EPHA10: variants seen among roughly 807,000 people sequenced by gnomAD.
EPHA10 encodes EPH receptor A10, also known as ephrin type-A receptor 10.
Under a neutral mutation model 109.7 loss-of-function variants are expected in EPHA10, and 120 were observed. That is an observed-to-expected ratio of 1.09 (90% CI 0.94 to 1.27). The LOEUF (loss-of-function observed/expected upper bound fraction) is 1.27. Ranked by LOEUF, EPHA10 falls within the 50% of genes most tolerant of loss-of-function variation. The pLI, the probability that EPHA10 is intolerant of heterozygous loss-of-function variation, is 0.00. For synonymous variants in EPHA10, 640 were observed against 618.9 expected (o/e 1.03, Z -0.51); for missense variants, 1,396 against 1,411.1 (o/e 0.99, Z 0.17).
Position 37,761,710 on chromosome 1 carries a change from G to C in EPHA10, c.545C>G (p.Pro182Arg), listed in dbSNP as rs763477588. ...KLNTEVREIGPLSRRGFHLAF... is the reference protein window; with the variant it reads ...KLNTEVREIGRLSRRGFHLAF... ...CAGGTGGAAACCCCGCCGGCTGAGC[G>C]GTCCGATCTCGCGCACCTCTGTGTT... The change falls in exon 3 of 17, where the codon CCG (proline) becomes CGG (arginine). Residue 182 changes from proline (P) to arginine (R), a missense_variant. Coordinates refer to ENST00000373048, the MANE Select transcript of EPHA10 (RefSeq NM_001099439.2). The C allele has an allele frequency of 1.1e-5, 17 of 1,613,464 alleles. No homozygotes were observed. In the South Asian group the frequency reaches 1.4e-4, roughly 14 times the overall value.
Position 37,727,226 on chromosome 1 carries a change from C to A in EPHA10, c.1664-16G>T. On this transcript the variant is annotated splice_polypyrimidine_tract_variant and intron_variant, in intron 7 of 16. Transcript: ENST00000373048. ...CCTGAGGCAGCTGGGAGGAAAATCACGAGGTTGAGGCAGGCAGAGGACCAG... is the reference window on the plus strand; with the variant it reads ...CCTGAGGCAGCTGGGAGGAAAATCAAGAGGTTGAGGCAGGCAGAGGACCAG... 2 of 1,587,220 alleles carry A rather than the reference C, an allele frequency of 1.3e-6. No individual in the cohort carries two copies. The highest frequency in any genetic ancestry group is 1.7e-6 in the Non-Finnish European group (2 of 1,165,464).
At chr1:37,742,864 G>T (rs1646175563) in intron 5 of EPHA10, among the ~76,000 whole-genome samples, 1 of 152,038 alleles carries the variant, frequency 6.6e-6, no homozygotes, top group Non-Finnish European at 1.5e-5. Context: ...AGGCATGTTG[G>T]CATGCCTGCA....
chr1:37,757,902 A>AC (rs1439123626), intron 3 of EPHA10, among the ~76,000 whole-genome samples: 2 of 152,142 alleles, frequency 1.3e-5, no homozygotes, highest in African/African-American at 4.8e-5. Context: ...CCATCAGAAT[A>AC]CACAAATGCC....
rs1646351529 is a variant in EPHA10 at position 37,752,915 on chromosome 1, T to C, written c.1318A>G (p.Thr440Ala). The C allele has an allele frequency of 7.7e-7, 1 of 1,302,426 alleles. No individual in the cohort carries two copies. The highest frequency in any genetic ancestry group is 9.7e-7 in the Non-Finnish European group (1 of 1,027,524). 80.7% of individuals were successfully genotyped at this position (1,302,426 alleles called of 1,614,324 possible). ...GVSGPAAAAG[T>A]TYAQVTVSTG... ...GAGACGGTGACCTGCGCGTAGGTGG[T>C]TCCCGCGGCGGCCGCCGGGCCCGAG... The change falls in exon 5 of 17, where the codon ACC (threonine) becomes GCC (alanine). Residue 440 changes from threonine to alanine, a missense_variant. Transcript: ENST00000373048.
At chr1:37,762,625 C>T (rs1038965349) in intron 2 of EPHA10, among the ~76,000 whole-genome samples, 160 bp downstream of exon 2, 2 of 148,906 alleles carry the variant, frequency 1.3e-5, no homozygotes, top group South Asian at 4.2e-4. Context: ...GCTGAAGACT[C>T]AATGTTTTCT....
intron 3 of EPHA10, among the ~76,000 whole-genome samples, chr1:37,755,328 GCACA>G (rs10623323): frequency 3.4e-5 from 5 of 147,510 alleles, no homozygotes; most frequent in Admixed American, 6.9e-5. Flanking sequence ...AAGCATACAT[GCACA>G]CACACACACA....
Position 37,764,944 on chromosome 1 carries a change from C to T in EPHA10, c.106+17G>A, listed in dbSNP as rs746848439. On this transcript the variant is annotated intron_variant, in intron 1 of 16. Transcript: ENST00000373048. The surrounding 1 kb of genome is among the most constrained non-coding windows in gnomAD (Gnocchi z 5.8). ...TTGGTATGCCACGCTCCGAGCAGAG[C>T]TCACCAGTCTTCTCACCTTCCTCGG... The T allele has an allele frequency of 6.3e-7, 1 of 1,594,004 alleles. No homozygotes were observed. Among genetic ancestry groups the T allele is most frequent in the Non-Finnish European group, 8.5e-7 (1 of 1,171,050 alleles).
chr1:37,731,701 C>G, intron 6 of EPHA10, 119 bp from the exon 7 acceptor site: 1 of 1,112,500 alleles, frequency 9.0e-7, no homozygotes, highest in East Asian at 2.7e-5. Context: ...GGGCTGAGTG[C>G]GAAAACCCAA....
intron 1 of EPHA10, among the ~76,000 whole-genome samples, chr1:37,763,626 C>T (rs1197103497): frequency 6.6e-6 from 1 of 151,858 alleles, no homozygotes; most frequent in East Asian, 1.9e-4. Flanking sequence ...TCTCCCCAGC[C>T]TTCTTAGGTT....
intron 6 of EPHA10, chr1:37,734,433 C>T (rs1293031941): frequency 6.0e-6 from 2 of 332,820 alleles, no homozygotes; most frequent in African/African-American, 4.4e-5. Flanking sequence ...ACTTGGGAGG[C>T]TGAAGCAGGA....
rs2148367129 is a variant in EPHA10, at chr1:37,754,530, A to C, written c.851-160T>G. ...GCACTGCCCCGTGGAGTGACTCCTG[A>C]ACAACCCATTACCTACCCTTAGAAA... On this transcript the variant is annotated intron_variant, in intron 3 of 16. Coordinates refer to ENST00000373048, the MANE Select transcript of EPHA10 (RefSeq NM_001099439.2). The surrounding 1 kb of genome is among the most constrained non-coding windows in gnomAD (Gnocchi z 4.5). Among the ~76,000 whole-genome samples the C allele has an allele frequency of 6.6e-6, 1 of 152,286 alleles. No homozygotes were observed. Among genetic ancestry groups the C allele is most frequent in the Non-Finnish European group, 1.5e-5 (1 of 68,020 alleles).
chr1:37,759,257 T>C (rs1221888364), intron 3 of EPHA10, among the ~76,000 whole-genome samples: 2 of 152,130 alleles, frequency 1.3e-5, no homozygotes, highest in African/African-American at 4.8e-5. Context: ...CCTTTCATGA[T>C]TTCCACCTGC....
intron 3 of EPHA10, among the ~76,000 whole-genome samples, chr1:37,759,071 A>C (rs1244687740): frequency 6.6e-6 from 1 of 152,034 alleles, no homozygotes; most frequent in East Asian, 1.9e-4. Flanking sequence ...GCACTATTGC[A>C]CCATCTTCCT....
intron 5 of EPHA10, among the ~76,000 whole-genome samples, chr1:37,736,475 T>A (rs1246042323): frequency 3.6e-4 from 8 of 21,950 alleles, no homozygotes; most frequent in South Asian, 1.7e-3. Context: ...AAATTCTGTC[T>A]CAAAAAAAAA....
In EPHA10 at chr1:37,753,044, C is replaced by T; in HGVS notation, c.1189G>A (p.Ala397Thr). ...AGCCCTGCCTGGCGCGGTAGGAAGG[C>T]CACGCGCGGCCCGCACGGCTCGCAG... ...GACEPCGPRV[A>T]FLPRQAGLRE... Residue 397 changes from alanine (A) to threonine (T), a missense_variant, in exon 5 of 17, where the codon GCC becomes ACC. By Grantham distance (58) the Ala-to-Thr change is moderately conservative. Coordinates refer to ENST00000373048, the MANE Select transcript of EPHA10 (RefSeq NM_001099439.2). The T allele has an allele frequency of 8.1e-7, 1 of 1,241,694 alleles. No individual in the cohort carries two copies. Among genetic ancestry groups the T allele is most frequent in the Non-Finnish European group, 1.0e-6 (1 of 995,320 alleles). 76.9% of individuals were successfully genotyped at this position (1,241,694 alleles called of 1,614,324 possible). A position where few individuals can be genotyped will look rare whatever the true frequency, so the allele number is the denominator to read the frequency against.
chr1:37,715,873 C>T (rs368148088), downstream of EPHA10: 5 of 553,496 alleles, frequency 9.0e-6, no homozygotes, highest in Non-Finnish European at 1.8e-5. Context: ...AGAGAGATCT[C>T]AGACGCAGAT....
Position 37,731,514 on chromosome 1 carries a change from C to T in EPHA10, c.1560G>A (p.Lys520=). 5 of 1,614,114 alleles carry T rather than the reference C, an allele frequency of 3.1e-6. No homozygotes were observed. Among genetic ancestry groups the T allele is most frequent in the Non-Finnish European group, 4.2e-6 (5 of 1,180,006 alleles). ...TCTGAAAGACGTAGCGGGTAGCCGGCTTCAGGTTGGTGACGGTGACTGTGG... is the reference window on the plus strand; with the variant it reads ...TCTGAAAGACGTAGCGGGTAGCCGGTTTCAGGTTGGTGACGGTGACTGTGG... The part of the protein sequence containing the change: ...GAPTVTVTNL[K]PATRYVFQIR... Residue 520 remains lysine, a synonymous_variant, in exon 7 of 17, where the codon AAG becomes AAA. Coordinates refer to ENST00000373048, the MANE Select transcript of EPHA10 (RefSeq NM_001099439.2).
chr1:37,726,964 G>A, intron 8 of EPHA10, 138 bp downstream of exon 8: 1 of 559,918 alleles, frequency 1.8e-6, no homozygotes, highest in Admixed American at 3.7e-5. Flanking sequence ...GATGATGCAT[G>A]CCTACATTTG....
chr1:37,722,280 G>C (rs773268628), intron 10 of EPHA10: 27 of 250,740 alleles, frequency 1.1e-4, no homozygotes, highest in Admixed American at 6.1e-4. Context: ...TTCCTCAGTG[G>C]GGGGAGGTTT....
Sources: gnomAD v4.1 joint callset for allele counts (sites outside exome capture counted in the v4.1 genomes callset) on GRCh38, gnomAD v4.1.1 for gene constraint, Gnocchi (gnomAD v3.1) non-coding constraint, MANE v1.5 for transcripts, NCBI Gene and HGNC (gene_info 2026-07-23, HGNC 2026-07-21) for gene names.